Variants in VOPP1 observed in about 807,000 individuals in gnomAD.
VOPP1 encodes WW domain binding protein VOPP1.
VOPP1 carries 8 observed loss-of-function variants against 23.5 expected under a neutral mutation model. That is an observed-to-expected ratio of 0.34 (90% confidence interval 0.20 to 0.61). The LOEUF (loss-of-function observed/expected upper bound fraction) is 0.61, where lower values mean the gene tolerates loss of function less well. VOPP1 is among the 20% of genes least tolerant of loss of function. The pLI is 0.78. For missense variants in VOPP1, 174 were observed against 238.1 expected (o/e 0.73, Z 1.77); for synonymous variants, 83 against 97.3 (o/e 0.85, Z 0.86).
intron 1 of VOPP1, among the ~76,000 whole-genome samples, chr7:55,558,349 T>C (rs1220507265): frequency 6.6e-6 from 1 of 152,158 alleles, no homozygotes; most frequent in Non-Finnish European, 1.5e-5. Flanking sequence ...GTTCAGCTTG[T>C]TGTATGTCAA....
intron 2 of VOPP1, among the ~76,000 whole-genome samples, chr7:55,513,333 TTC>T (rs368223188): frequency 1.0e-3 from 157 of 152,330 alleles, no homozygotes; most frequent in African/African-American, 3.5e-3. Flanking sequence ...TATTCCTTAA[TTC>T]TGTTTCATGG....
intron 1 of VOPP1, chr7:55,521,648 C>G: frequency 1.0e-6 from 1 of 987,480 alleles, no homozygotes; most frequent in South Asian, 4.7e-5. Context: ...AAAGAAGGAA[C>G]AAGGAAAGAC....
downstream of VOPP1, among the ~76,000 whole-genome samples, chr7:55,468,318 G>A (rs952364113): frequency 1.3e-5 from 2 of 150,844 alleles, no homozygotes; most frequent in Non-Finnish European, 3.0e-5. Flanking sequence ...AAAGAAAAGA[G>A]AGGCCCTGAG....
intron 4 of VOPP1, among the ~76,000 whole-genome samples, chr7:55,455,148 T>C (rs796698697): frequency 2.4e-4 from 37 of 152,250 alleles, no homozygotes; most frequent in African/African-American, 8.4e-4. Context: ...ATCACAAGCA[T>C]TCCTACACAC....
At chr7:55,542,431 C>A (rs1797173103) in intron 1 of VOPP1, among the ~76,000 whole-genome samples, 1 of 152,214 alleles carries the variant, frequency 6.6e-6, no homozygotes, top group Non-Finnish European at 1.5e-5. Context: ...CCCTTTCCAG[C>A]CTCTGGTAAC....
chr7:55,528,133 T>C (rs1796295488), intron 1 of VOPP1, among the ~76,000 whole-genome samples: 1 of 152,056 alleles, frequency 6.6e-6, no homozygotes, highest in Admixed American at 6.6e-5. Context: ...TTATAAGACA[T>C]CCAAAAGATG....
intron 1 of VOPP1, among the ~76,000 whole-genome samples, chr7:55,543,288 G>T (rs1797219521): frequency 6.6e-6 from 1 of 152,072 alleles, no homozygotes; most frequent in South Asian, 2.1e-4. Flanking sequence ...TTATCCATGT[G>T]TCCACTGATG....
intron 1 of VOPP1, among the ~76,000 whole-genome samples, chr7:55,559,383 CCT>C (rs908864385): frequency 3.3e-5 from 5 of 152,164 alleles, no homozygotes; most frequent in Non-Finnish European, 7.3e-5. Flanking sequence ...TTAGCAAGCC[CCT>C]GAGAGCAGCC....
In VOPP1 at chr7:55,492,311, T is replaced by C; in HGVS notation, c.299A>G (p.Tyr100Cys). 3.7e-6 allele frequency: 6 copies of C among 1,611,322 alleles called. No individual in the cohort carries two copies. The highest frequency in any genetic ancestry group is 5.1e-6 in the Non-Finnish European group (6 of 1,178,880). ...GCCGGGATTTGGGGGCTGCCTGGTG[T>C]AGGACACATTGAAGGCTGGCTCCTC... ...LIEEPAFNVS[Y>C]TRQPPNPGPG... The change falls in exon 4 of 5, where the codon TAC (tyrosine) becomes TGC (cysteine). Residue 100 changes from tyrosine to cysteine, a missense_variant. Coordinates refer to ENST00000285279, the MANE Select transcript of VOPP1 (RefSeq NM_030796.5).
At chr7:55,560,142 G>C (rs1032571077) in intron 1 of VOPP1, among the ~76,000 whole-genome samples, 3 of 152,166 alleles carry the variant, frequency 2.0e-5, no homozygotes, top group African/African-American at 7.2e-5. Context: ...AAAAGAGTGA[G>C]GCTCTGTCTC....
intron 4 of VOPP1, among the ~76,000 whole-genome samples, chr7:55,454,001 A>C (rs1299736951): frequency 6.6e-6 from 1 of 152,132 alleles, no homozygotes; most frequent in Non-Finnish European, 1.5e-5. Context: ...CCAAATCCTC[A>C]TTTATTCATC....
rs558192387 is a variant in VOPP1 at position 55,475,113 on chromosome 7, G to A, written c.329-2068C>T. On this transcript the variant is annotated intron_variant, in intron 4 of 4. Coordinates refer to ENST00000285279, the MANE Select transcript of VOPP1 (RefSeq NM_030796.5). Reference sequence around the variant, plus strand: ...GGGACGGGTGGCAGCTGGAAGGCACGCAGGGCAAGAGAAGGTGCCTTTGTA... The same window carrying A: ...GGGACGGGTGGCAGCTGGAAGGCACACAGGGCAAGAGAAGGTGCCTTTGTA... 7.2e-5 allele frequency among the ~76,000 whole-genome samples: 11 copies of A among 152,344 alleles called. No homozygotes were observed. The East Asian group carries it at 1.9e-3, about 27-fold the overall frequency.
At chr7:55,492,036 T>C (rs1032090590) in intron 4 of VOPP1, among the ~76,000 whole-genome samples, 1 of 152,182 alleles carries the variant, frequency 6.6e-6, no homozygotes, top group African/African-American at 2.4e-5. Flanking sequence ...TTATACAAAC[T>C]GCATCATATC....
At chr7:55,458,510 A>G (rs888854658) in intron 4 of VOPP1, among the ~76,000 whole-genome samples, 2 of 152,166 alleles carry the variant, frequency 1.3e-5, no homozygotes, top group Non-Finnish European at 2.9e-5. Context: ...TACTTTGGGT[A>G]AACATTTTAA....
chr7:55,435,505 T>C (rs1159965355), downstream of VOPP1, among the ~76,000 whole-genome samples: 1 of 152,218 alleles, frequency 6.6e-6, no homozygotes, highest in Non-Finnish European at 1.5e-5. Context: ...CCCTGGTGCC[T>C]GTCAGCCTCT....
chr7:55,561,069 CGACCATG>C (rs1797968961), intron 1 of VOPP1, among the ~76,000 whole-genome samples: 1 of 152,232 alleles, frequency 6.6e-6, no homozygotes, highest in East Asian at 1.9e-4. Context: ...CTCTGCACCC[CGACCATG>C]GATGCTCTGA....
chr7:55,529,040 A>G (rs1028397771), intron 1 of VOPP1, among the ~76,000 whole-genome samples: 1 of 152,170 alleles, frequency 6.6e-6, no homozygotes, highest in African/African-American at 2.4e-5. Context: ...GAAGCCTTCA[A>G]TTCTGATGAT....
intron 2 of VOPP1, 21 bp downstream of exon 2, chr7:55,521,051 C>T (rs1445292769): frequency 1.3e-6 from 2 of 1,561,658 alleles, no homozygotes; most frequent in East Asian, 4.7e-5. Context: ...AATGAAACCA[C>T]AGAAAGGTGC....
chr7:55,572,462 G>C lies in VOPP1; in HGVS notation c.-138C>G, dbSNP rs1798403189. The C allele has an allele frequency of 9.7e-5, 47 of 486,074 alleles. No homozygotes were observed. Among genetic ancestry groups the C allele is most frequent in the Non-Finnish European group, 1.2e-4 (46 of 374,742 alleles). The allele number at this position is 486,074 out of a possible 1,614,324, so 30.1% of individuals were successfully genotyped here. A position where few individuals can be genotyped will look rare whatever the true frequency, so the allele number is the denominator to read the frequency against. ...CCGCTGGGGGGCCCGGCTGGGAGCG[G>C]GCGGGAGCCGGGGCGCGCCGCGCAG... On this transcript the variant is annotated 5_prime_UTR_variant, in exon 1 of 5. Transcript: ENST00000285279.
Sources: allele counts gnomAD v4.1 joint callset (sites outside exome capture counted in the v4.1 genomes callset), GRCh38; gene constraint gnomAD v4.1.1; transcripts MANE v1.5; gene names NCBI Gene and HGNC (gene_info 2026-07-23, HGNC 2026-07-21).